The following RFX7 variants were observed in gnomAD, a reference collection of about 807,000 sequenced individuals.
RFX7 encodes the protein regulatory factor X7.
A neutral mutation model predicts 111.8 loss-of-function variants in RFX7; 26 were observed. The ratio of observed to expected loss-of-function variants is 0.23; its 90% CI spans 0.17 to 0.32. RFX7 has a LOEUF of 0.32. Ranked by LOEUF, RFX7 falls within the 10% of genes least tolerant of loss-of-function variation. RFX7 has a pLI of 1.00. For synonymous variants in RFX7, 624 were observed against 624.4 expected, an observed-to-expected ratio of 1.00 and a Z score of 0.01; for missense variants, 1,573 against 1,772.9, an observed-to-expected ratio of 0.89 and a Z score of 2.02.
At chr15:56,105,034 A>G (rs1453317496) in intron 5 of RFX7, among the ~76,000 whole-genome samples, 1 of 152,204 alleles carries the variant, frequency 6.6e-6, no homozygotes, top group African/African-American at 2.4e-5. Context: ...GCATCAAATC[A>G]TAACAATTTC....
chr15:56,210,677 A>C (rs1453177187), intron 2 of RFX7, among the ~76,000 whole-genome samples: 1 of 152,148 alleles, frequency 6.6e-6, no homozygotes, highest in Non-Finnish European at 1.5e-5. Flanking sequence ...ATACGTGGAA[A>C]TTAAACAATG....
chr15:56,224,436 T>C (rs1171263966), intron 2 of RFX7, among the ~76,000 whole-genome samples: 3 of 149,780 alleles, frequency 2.0e-5, no homozygotes, highest in Admixed American at 1.3e-4. Flanking sequence ...GGTGTATTTT[T>C]CTTCCACTCT....
chr15:56,180,030 G>A (rs2042951680), intron 2 of RFX7, among the ~76,000 whole-genome samples: 1 of 152,086 alleles, frequency 6.6e-6, no homozygotes, highest in Non-Finnish European at 1.5e-5. Flanking sequence ...GGATTTTGTT[G>A]TAACACATAG....
intron 9 of RFX7, among the ~76,000 whole-genome samples, chr15:56,097,385 T>A (rs917630293): frequency 1.3e-5 from 2 of 152,126 alleles, no homozygotes; most frequent in Non-Finnish European, 2.9e-5. Flanking sequence ...ATTTAAGTAA[T>A]CATTACACAT....
At chr15:56,143,614 C>T (rs751397946) in intron 4 of RFX7, among the ~76,000 whole-genome samples, 3 of 152,094 alleles carry the variant, frequency 2.0e-5, no homozygotes, top group African/African-American at 4.8e-5. Flanking sequence ...AGCTACTCTA[C>T]TGATTGTGAC....
At chr15:56,238,381 T>A (rs890032730) in intron 2 of RFX7, among the ~76,000 whole-genome samples, 4 of 152,126 alleles carry the variant, frequency 2.6e-5, no homozygotes, top group African/African-American at 9.7e-5. Context: ...CCAAAATAGA[T>A]CATATATATA....
At chr15:56,150,424 T>C (rs2141045608) in intron 3 of RFX7, among the ~76,000 whole-genome samples, 1 of 152,326 alleles carries the variant, frequency 6.6e-6, no homozygotes, top group Admixed American at 6.5e-5. Context: ...GGCTGGCATC[T>C]GGCAGGTGCT....
intron 3 of RFX7, among the ~76,000 whole-genome samples, chr15:56,158,201 A>T (rs62044114): frequency 0.29 from 44,638 of 152,052 alleles, 7,598 homozygotes; most frequent in Middle Eastern, 0.46. Flanking sequence ...AAGGTATAGG[A>T]TATAGAATTA....
At chr15:56,175,445 G>C (rs1414973450) in intron 3 of RFX7, among the ~76,000 whole-genome samples, 1 of 151,980 alleles carries the variant, frequency 6.6e-6, no homozygotes, top group African/African-American at 2.4e-5. Flanking sequence ...AATTTGTATG[G>C]AAATGCCAAA....
intron 3 of RFX7, chr15:56,160,605 C>T (rs2042709306): frequency 6.6e-6 from 1 of 152,060 alleles, no homozygotes; most frequent in South Asian, 2.1e-4. Context: ...GACTCTTCTT[C>T]ACCAGATCAC....
rs375808912 is a variant in RFX7, at chr15:56,094,401, A to G, written c.3327T>C (p.Ser1109=). 1.2e-6 allele frequency: 2 copies of G among 1,613,994 alleles called. No individual in the cohort carries two copies. The highest frequency in any genetic ancestry group is 1.7e-6 in the Non-Finnish European group (2 of 1,179,882). Residue 1109 remains serine, a synonymous_variant, in exon 10 of 10, where the codon TCT becomes TCC. Transcript: ENST00000559447. ...AFAVPGQSYQ[S]QSRHHDTHFG... Reference sequence around the variant, plus strand: ...AATGAGTGTCATGATGTCTGGATTGAGACTGATAAGACTGTCCAGGCACAG... The same window carrying G: ...AATGAGTGTCATGATGTCTGGATTGGGACTGATAAGACTGTCCAGGCACAG...
chr15:56,166,233 G>A (rs993329897), intron 3 of RFX7, among the ~76,000 whole-genome samples: 2 of 152,148 alleles, frequency 1.3e-5, no homozygotes, highest in East Asian at 3.9e-4. Context: ...CTAGGATTGC[G>A]TTGAATTACT....
At chr15:56,112,309 G>A (rs887671126) in intron 5 of RFX7, among the ~76,000 whole-genome samples, 1 of 127,896 alleles carries the variant, frequency 7.8e-6, no homozygotes, top group African/African-American at 2.9e-5. Context: ...TTAGTAAATT[G>A]TAAAAATAAA....
chr15:56,094,473 G>A lies in RFX7; in HGVS notation c.3255C>T (p.Ser1085=), dbSNP rs1259629663. ...SSVSGHGILP[S]YQELVEDRFR... is the part of the protein sequence containing the mutation. ...AACGGTCTTCCACTAGTTCCTGATA[G>A]CTTGGGAGAATACCATGGCCAGAAA... The change falls in exon 10 of 10, where the codon AGC becomes AGT. Residue 1085 remains serine (S), a synonymous_variant. Transcript: ENST00000559447. 1.9e-6 allele frequency: 3 copies of A among 1,613,800 alleles called. No homozygotes were observed. Among genetic ancestry groups the A allele is most frequent in the Non-Finnish European group, 2.5e-6 (3 of 1,179,864 alleles).
In RFX7 at chr15:56,138,581, T is replaced by C. The variant is rs1418815074; in HGVS notation, c.401+4197A>G. 2.6e-4 allele frequency among the ~76,000 whole-genome samples: 39 copies of C among 151,814 alleles called. 1 individual carries two copies. Among genetic ancestry groups the C allele is most frequent in the African/African-American group, 9.2e-4 (38 of 41,288 alleles). On this transcript the variant is annotated intron_variant, in intron 5 of 9. Transcript: ENST00000559447. ...TGACTCTTTATCCAATTTGCCAGTC[T>C]GTGTCTTTTAATTGGAGCATTTAGC...
At position 56,094,372 on chromosome 15, in the gene RFX7, C is replaced by T; in HGVS notation, c.3356G>A (p.Gly1119Asp). Residue 1119 changes from glycine to aspartate, a missense_variant, in exon 10 of 10, where the codon GGT becomes GAT. Physicochemically the swap from Gly to Asp is moderately conservative, Grantham distance 94. Around this residue, in one of 7 missense-constraint regions of RFX7, gnomAD observed 411 missense variants for 478.1 expected, o/e 0.86. Transcript: ENST00000559447. ...CACAGGAGAGACAGGAGTCAAACGA[C>T]CAAAATGAGTGTCATGATGTCTGGA... Reference protein sequence around the residue: ...SQSRHHDTHFGRLTPVSPVQH... With the variant: ...SQSRHHDTHFDRLTPVSPVQH... 1 of 1,613,864 alleles carries T rather than the reference C, an allele frequency of 6.2e-7. No homozygotes were observed.
chr15:56,202,342 C>T (rs2043200942), intron 2 of RFX7, among the ~76,000 whole-genome samples: 1 of 152,034 alleles, frequency 6.6e-6, no homozygotes, highest in Admixed American at 6.6e-5. Flanking sequence ...TATTGAGGTA[C>T]TTAAGATCTT....
At chr15:56,170,069 G>T (rs186975637) in intron 3 of RFX7, among the ~76,000 whole-genome samples, 6 of 152,016 alleles carry the variant, frequency 3.9e-5, no homozygotes, top group African/African-American at 1.2e-4. Flanking sequence ...ATTTTAAACC[G>T]CAGTATGTTT....
At chr15:56,143,500 C>T (rs917735589) in intron 4 of RFX7, among the ~76,000 whole-genome samples, 7 of 151,992 alleles carry the variant, frequency 4.6e-5, no homozygotes, top group Non-Finnish European at 8.8e-5. Flanking sequence ...AGCCAGGCCC[C>T]CTGCCTCAGC....
Sources: gnomAD v4.1 joint callset for allele counts (sites outside exome capture counted in the v4.1 genomes callset) on GRCh38, gnomAD v4.1.1 for gene constraint, gnomAD v4.1.1 regional missense constraint, MANE v1.5 for transcripts, NCBI Gene and HGNC (gene_info 2026-07-23, HGNC 2026-07-21) for gene names.